ARHGAP27: variants seen among roughly 807,000 people sequenced by gnomAD.
The protein encoded by ARHGAP27 is rho GTPase-activating protein 27.
A neutral mutation model predicts 102.0 loss-of-function variants in ARHGAP27; 53 were observed. That is an observed-to-expected ratio of 0.52 (90% CI 0.42 to 0.65). ARHGAP27 has a LOEUF of 0.65. Ranked by LOEUF, ARHGAP27 falls within the 30% of genes least tolerant of loss-of-function variation. The probability of loss-of-function intolerance (pLI) is 0.00; values close to 1 mark genes in which losing one functional copy is unlikely to be tolerated. For missense variants in ARHGAP27, 1,117 were observed against 1,256.2 expected (o/e 0.89, Z 1.68); for synonymous variants, 525 against 542.8 (o/e 0.97, Z 0.46).
rs2045620957 is a variant in ARHGAP27, at chr17:45,396,127, A to C, written c.2252-10T>G. On this transcript the variant is annotated splice_polypyrimidine_tract_variant and intron_variant, in intron 17 of 19. Coordinates refer to ENST00000685559, the MANE Select transcript of ARHGAP27 (RefSeq NM_001282290.2). ...AGGTCAAGGCGCTCATCTGTGGCGG[A>C]GGAAGGGAGGAGGACGGAAGGGAAA... is the stretch of plus-strand genomic sequence containing the variant. 13 of 1,606,904 alleles carry C rather than the reference A, an allele frequency of 8.1e-6. No homozygotes were observed. Among genetic ancestry groups the C allele is most frequent in the African/African-American group, 1.3e-5 (1 of 74,732 alleles).
intron 4 of ARHGAP27, chr17:45,429,361 G>C: frequency 7.8e-7 from 1 of 1,275,126 alleles, no homozygotes. Flanking sequence ...ATCAGTTCAA[G>C]CGCAATTTTG....
In ARHGAP27 at chr17:45,430,229, G is replaced by A. The variant is rs1231135059; in HGVS notation, c.51C>T (p.Phe17=). The change falls in exon 4 of 20, where the codon TTC becomes TTT. Residue 17 remains phenylalanine, a synonymous_variant. Transcript: ENST00000685559. The surrounding 1 kb of genome is among the most constrained non-coding windows in gnomAD (Gnocchi z 4.4). The part of the protein sequence containing the change: ...GDVYVLVEHP[F]EYTGKDGRRV... ...GGCGCCCGTCCTTGCCGGTGTACTC[G>A]AAGGGGTGCTCCACCAGCACGTACA... 2.2e-5 allele frequency: 34 copies of A among 1,573,796 alleles called. No homozygotes were observed. The highest frequency in any genetic ancestry group is 2.6e-5 in the Non-Finnish European group (30 of 1,168,106).
chr17:45,424,266 G>GA (rs1168202564), intron 4 of ARHGAP27, among the ~76,000 whole-genome samples: 1 of 152,224 alleles, frequency 6.6e-6, no homozygotes, highest in Non-Finnish European at 1.5e-5. Context: ...CTGCAATCTG[G>GA]AAACAGAGCT....
In ARHGAP27 at chr17:45,395,403, C is replaced by T. The variant is rs1454796006; in HGVS notation, c.*53G>A. ...GAAGGCCCGGCTGCGTGGCCTCCGC[C>T]GCCCAGCTTGTGTGGCAGGACCGCG... On this transcript the variant is annotated 3_prime_UTR_variant, in exon 20 of 20. Transcript: ENST00000685559. 5 of 1,515,990 alleles carry T rather than the reference C, an allele frequency of 3.3e-6. No individual in the cohort carries two copies. The highest frequency in any genetic ancestry group is 4.4e-6 in the Non-Finnish European group (5 of 1,127,746). The allele number at this position is 1,515,990 out of a possible 1,614,324, so 93.9% of individuals were successfully genotyped here.
intron 4 of ARHGAP27, among the ~76,000 whole-genome samples, chr17:45,419,508 GTATGTATATA>G (rs1454553042): frequency 9.7e-4 from 84 of 86,394 alleles, no homozygotes; most frequent in African/African-American, 3.6e-3. Context: ...GACTTATGCT[GTATGTATATA>G]TATATATATA....
At chr17:45,411,768 C>G (rs184481579) in intron 4 of ARHGAP27, among the ~76,000 whole-genome samples, 1 of 151,902 alleles carries the variant, frequency 6.6e-6, no homozygotes, top group Non-Finnish European at 1.5e-5. Context: ...ATCTCTCTGT[C>G]CCCACCCTGA....
intron 4 of ARHGAP27, among the ~76,000 whole-genome samples, chr17:45,421,282 C>T (rs1597854519): frequency 6.6e-6 from 1 of 150,902 alleles, no homozygotes; most frequent in African/African-American, 2.4e-5. Flanking sequence ...AATTTAAGAC[C>T]AGCCTGGGCA....
chr17:45,405,159 T>C, intron 5 of ARHGAP27, 53 bp from the exon 6 acceptor site: 1 of 1,469,768 alleles, frequency 6.8e-7, no homozygotes, highest in Non-Finnish European at 9.0e-7. Context: ...TACTGCCTGC[T>C]GGCCCTGCCG....
Position 45,404,283 on chromosome 17 carries a change from T to C in ARHGAP27, c.1465A>G (p.Thr489Ala). Residue 489 changes from threonine to alanine, a missense_variant, in exon 9 of 20, where the codon ACA becomes GCA. Physicochemically the swap from Thr to Ala is moderately conservative, Grantham distance 58 (BLOSUM62 0). Around this residue, in one of 3 missense-constraint regions of ARHGAP27, gnomAD observed 610 missense variants for 716.4 expected, o/e 0.85. Transcript: ENST00000685559. ...GTGATGCCTACCCTCACAGCAGCTG[T>C]GGCAGGAGAGACTTCCTCCCAGCTC... The part of the protein sequence containing the change: ...VGSWEEVSPA[T>A]AAVRTKTLDK... The C allele has an allele frequency of 6.2e-7, 1 of 1,613,972 alleles. No homozygotes were observed. Among genetic ancestry groups the C allele is most frequent in the Non-Finnish European group, 8.5e-7 (1 of 1,179,966 alleles).
chr17:45,395,249 G>A lies in ARHGAP27; in HGVS notation c.*207C>T. 1.6e-6 allele frequency: 1 copy of A among 623,074 alleles called. No homozygotes were observed. The highest frequency in any genetic ancestry group is 2.7e-6 in the Non-Finnish European group (1 of 364,990). 38.6% of individuals were successfully genotyped at this position (623,074 alleles called of 1,614,324 possible). ...AGGACGTGACGGGAAGGGAAGGGGG[G>A]ATGGGGAGTTGGGAAGAAGGAATCA... is the stretch of plus-strand genomic sequence containing the variant. On this transcript the variant is annotated 3_prime_UTR_variant, in exon 20 of 20. Transcript: ENST00000685559.
At chr17:45,414,902 CAAAAAA>C (rs35471470) in intron 4 of ARHGAP27, among the ~76,000 whole-genome samples, 3 of 92,964 alleles carry the variant, frequency 3.2e-5, no homozygotes, top group East Asian at 6.9e-4. Flanking sequence ...CTAAAAATAC[CAAAAAA>C]AAAAAAAAAA....
At chr17:45,398,463 C>T (rs867338756) in intron 12 of ARHGAP27, among the ~76,000 whole-genome samples, 6 of 152,116 alleles carry the variant, frequency 3.9e-5, no homozygotes, top group Admixed American at 1.3e-4. Context: ...AGGCCAGGCA[C>T]GATGGCTCAT....
At chr17:45,405,531 CAGG>C (rs1393872648) in intron 5 of ARHGAP27, 142 bp downstream of exon 5, 6 of 1,180,472 alleles carry the variant, frequency 5.1e-6, no homozygotes, top group Admixed American at 2.9e-5. Flanking sequence ...TCTGTGGGAG[CAGG>C]AGAAGGGGTC....
intron 12 of ARHGAP27, among the ~76,000 whole-genome samples, chr17:45,399,662 C>A (rs2046212214): frequency 7.5e-6 from 1 of 133,374 alleles, no homozygotes; most frequent in African/African-American, 2.9e-5. Context: ...CTGCAAAGGA[C>A]AGAGAACCTT....
In ARHGAP27 at chr17:45,431,184, G is replaced by A. The variant is rs539866433; in HGVS notation, c.-19+437C>T. 2.0e-5 allele frequency among the ~76,000 whole-genome samples: 3 copies of A among 152,242 alleles called. No homozygotes were observed. The South Asian group carries it at 6.2e-4, about 32-fold the overall frequency. On this transcript the variant is annotated intron_variant, in intron 3 of 19. Transcript: ENST00000685559. ...TATAAGTGCGGAGTCCCAGAGCAGGGCCACCCAAAGCTCTCCGGAGTGGTG... is the reference window on the plus strand; with the variant it reads ...TATAAGTGCGGAGTCCCAGAGCAGGACCACCCAAAGCTCTCCGGAGTGGTG...
rs776090683 is a variant in ARHGAP27 at position 45,404,904 on chromosome 17, C to CAGAT, written c.1248+19_1248+20insATCT. On this transcript the variant is annotated intron_variant, in intron 6 of 19. Transcript: ENST00000685559. ...GGAGGACTCTGAGGCTGTCCGGGTC[C>CAGAT]ATCTGCCCCCTGCCCCTACCTGCTC... 8 of 1,613,990 alleles carry CAGAT rather than the reference C, an allele frequency of 5.0e-6. No homozygotes were observed. Among genetic ancestry groups the CAGAT allele is most frequent in the Non-Finnish European group, 6.8e-6 (8 of 1,180,008 alleles).
Position 45,405,923 on chromosome 17 carries a change from G to T in ARHGAP27, c.818C>A (p.Thr273Asn). ...PYYYNPDTGVTTWESPFEAAE... is the reference protein window; with the variant it reads ...PYYYNPDTGVNTWESPFEAAE... ...AGCCTCAAAGGGCGACTCCCAGGTG[G>T]TAACTCCCGTGTCTGGGTTGTAGTA... The change falls in exon 5 of 20, where the codon ACC becomes AAC. Residue 273 changes from threonine to asparagine, a missense_variant. This residue lies in a region of ARHGAP27 where 610 missense variants were observed against 716.4 expected (regional missense o/e 0.85). Transcript: ENST00000685559. The T allele has an allele frequency of 2.6e-6, 4 of 1,535,956 alleles. No individual in the cohort carries two copies. In the South Asian group the frequency reaches 4.8e-5, roughly 18 times the overall value.
At chr17:45,401,451 T>A (rs2046430142) in intron 12 of ARHGAP27, 1 of 152,246 alleles carries the variant, frequency 6.6e-6, no homozygotes. Context: ...TTTATAGATA[T>A]CCTGGCTCTA....
intron 4 of ARHGAP27, among the ~76,000 whole-genome samples, chr17:45,420,950 CAA>C (rs201730388): frequency 5.8e-5 from 4 of 68,768 alleles, no homozygotes; most frequent in African/African-American, 6.0e-5. Context: ...GACTCCATCT[CAA>C]AAAAAAAAAA....
Sources: allele counts gnomAD v4.1 joint callset (sites outside exome capture counted in the v4.1 genomes callset), GRCh38; gene constraint gnomAD v4.1.1; regional missense constraint gnomAD v4.1.1; non-coding constraint Gnocchi (gnomAD v3.1); transcripts MANE v1.5; gene names NCBI Gene and HGNC (gene_info 2026-07-23, HGNC 2026-07-21).